AKNA: variants seen among roughly 807,000 people sequenced by gnomAD.
The protein encoded by AKNA is microtubule organization protein AKNA.
Under a neutral mutation model 138.8 loss-of-function variants are expected in AKNA, and 67 were observed. The ratio of observed to expected loss-of-function variants is 0.48; its 90% CI spans 0.40 to 0.59. The LOEUF is 0.59. Ranked by LOEUF, AKNA falls within the 20% of genes least tolerant of loss-of-function variation. The pLI is 0.00. For synonymous variants in AKNA, 737 were observed against 754.4 expected, an observed-to-expected ratio of 0.98 and a Z score of 0.38; for missense variants, 1,813 against 1,880.4, an observed-to-expected ratio of 0.96 and a Z score of 0.66.
At chr9:114,390,900 A>G (rs1434876689), upstream of AKNA, among the ~76,000 whole-genome samples, 1 of 152,224 alleles carries the variant, frequency 6.6e-6, no homozygotes. Flanking sequence ...ATTTGGAACT[A>G]TATTTCATAT....
In AKNA at chr9:114,371,468, C is replaced by T. The variant is rs560679363; in HGVS notation, c.1416+2625G>A. 2.4e-4 allele frequency among the ~76,000 whole-genome samples: 37 copies of T among 152,354 alleles called. 2 individuals are homozygous for T. The highest frequency in any genetic ancestry group is 7.5e-4 in the African/African-American group (31 of 41,576). ...CACCTCATCCCTATGCCTGTCTCCA[C>T]ACCCAGTGCCAGGGCCTGAGTGCCA... is the stretch of plus-strand genomic sequence containing the variant. On this transcript the variant is annotated intron_variant, in intron 4 of 21. Transcript: ENST00000374088.
chr9:114,350,889 G>A lies in AKNA; in HGVS notation c.3191C>T (p.Pro1064Leu). The A allele has an allele frequency of 1.3e-6, 2 of 1,591,142 alleles. No homozygotes were observed. Among genetic ancestry groups the A allele is most frequent in the Non-Finnish European group, 1.7e-6 (2 of 1,168,758 alleles). Residue 1064 changes from proline (P) to leucine (L), a missense_variant, in exon 15 of 22, where the codon CCC becomes CTC. Pro to Leu is a moderately conservative substitution (Grantham distance 98). Transcript: ENST00000374088. Reference protein sequence around the residue: ...PLPCGPTETIPSFLLTRAGRD... With the variant: ...PLPCGPTETILSFLLTRAGRD... ...CCCTGCCCTGGTGAGCAGGAAGCTG[G>A]GGATGGTCTCTGTTGGTCCACAGGG...
At chr9:114,381,819 C>T (rs535266898) in intron 1 of AKNA, among the ~76,000 whole-genome samples, 268 of 152,152 alleles carry the variant, frequency 1.8e-3, no homozygotes, top group African/African-American at 6.0e-3. Flanking sequence ...CGCCACCACA[C>T]CCGGCTAATT....
At chr9:114,356,689 GCT>G (rs1161722679) in intron 13 of AKNA, among the ~76,000 whole-genome samples, 172 bp downstream of exon 13, 1 of 152,236 alleles carries the variant, frequency 6.6e-6, no homozygotes, top group Non-Finnish European at 1.5e-5. Context: ...CCTCTCTGAA[GCT>G]CTGTTTCCTC....
At position 114,377,439 on chromosome 9, in the gene AKNA, T is replaced by C. The variant is rs750922289; in HGVS notation, c.368A>G (p.Glu123Gly). Reference protein sequence around the residue: ...QQGRQLDMTEEEPDGTLGSLE... With the variant: ...QQGRQLDMTEGEPDGTLGSLE... ...ACTTCCGAGGGTCCCATCTGGCTCC[T>C]CTTCAGTCATGTCCAGCTGACGGCC... is the stretch of plus-strand genomic sequence containing the variant. Residue 123 changes from glutamate to glycine, a missense_variant, in exon 3 of 22, where the codon GAG (glutamate) becomes GGG (glycine). Physicochemically the swap from Glu to Gly is moderately conservative, Grantham distance 98. Coordinates refer to ENST00000374088, the MANE Select transcript of AKNA (RefSeq NM_001317950.2). 3 of 1,613,640 alleles carry C rather than the reference T, an allele frequency of 1.9e-6. No homozygotes were observed.
chr9:114,380,993 A>G, intron 2 of AKNA, 67 bp downstream of exon 2: 1 of 1,397,528 alleles, frequency 7.2e-7, no homozygotes, highest in Non-Finnish European at 9.2e-7. Context: ...AAAAAAAAAA[A>G]AAAAAAAAGA....
chr9:114,330,744 C>T (rs116608376), downstream of AKNA: 7,415 of 1,605,146 alleles, frequency 4.6e-3, 392 homozygotes, highest in African/African-American at 0.086. Context: ...TTGGCCACTT[C>T]TCCTCGATAA....
chr9:114,386,336 G>A (rs535753854), intron 1 of AKNA, among the ~76,000 whole-genome samples: 1 of 152,268 alleles, frequency 6.6e-6, no homozygotes, highest in African/African-American at 2.4e-5. Context: ...GAGAAACAAT[G>A]AGGATTTGGG....
In AKNA at chr9:114,342,037, C is replaced by T. The variant is rs768039372; in HGVS notation, c.3846G>A (p.Glu1282=). ...PLCGQVGSPP[E]ADGPGSATSG... ...AGGTGGCTGAGCCTGGACCATCTGC[C>T]TCTGGGGGAGACCCAACTTGACCAC... The change falls in exon 20 of 22, where the codon GAG becomes GAA. Residue 1282 remains glutamate, a synonymous_variant. Coordinates refer to ENST00000374088, the MANE Select transcript of AKNA (RefSeq NM_001317950.2). 6.2e-7 allele frequency: 1 copy of T among 1,614,070 alleles called. No individual in the cohort carries two copies. The highest frequency in any genetic ancestry group is 8.5e-7 in the Non-Finnish European group (1 of 1,179,956).
chr9:114,393,378 G>A (rs934925125), intron 1 of AKNA, among the ~76,000 whole-genome samples: 1 of 142,856 alleles, frequency 7.0e-6, no homozygotes, highest in Non-Finnish European at 1.6e-5. Flanking sequence ...ACCACGCCCA[G>A]CTAATTTTTT....
chr9:114,355,794 A>G (rs1831457885), intron 14 of AKNA, 131 bp downstream of exon 14: 1 of 998,556 alleles, frequency 1.0e-6, no homozygotes, highest in African/African-American at 1.6e-5. Flanking sequence ...CCTTTTGTCC[A>G]CGTTATCTGT....
intron 4 of AKNA, among the ~76,000 whole-genome samples, chr9:114,372,015 G>A (rs779176712): frequency 1.1e-4 from 17 of 152,156 alleles, no homozygotes; most frequent in Admixed American, 3.9e-4. Context: ...TCCCTGTTCC[G>A]GGGCTCTGTG....
upstream of AKNA, chr9:114,394,530 G>C (rs1325640880): frequency 6.6e-6 from 1 of 152,108 alleles, no homozygotes; most frequent in Non-Finnish European, 1.5e-5. Context: ...ACAATATGTT[G>C]TTTTCTGCAA....
rs535418867 is a variant in AKNA, at chr9:114,355,968, C to T, written c.3015G>A (p.Arg1005=). Residue 1005 remains arginine (R), a synonymous_variant, in exon 14 of 22, where the codon AGG becomes AGA. Transcript: ENST00000374088. ...LSSPSGPLRQ[R]APNFSLERTL... ...TCCGCTCCAGGCTGAAGTTGGGTGC[C>T]CTCTGCCGGAGAGGCCCACTTGGGC... is the stretch of plus-strand genomic sequence containing the variant. 33 of 1,614,200 alleles carry T rather than the reference C, an allele frequency of 2.0e-5. No individual in the cohort carries two copies. The highest frequency in any genetic ancestry group is 2.7e-5 in the African/African-American group (2 of 75,040).
chr9:114,386,682 G>A (rs1834055551), intron 1 of AKNA, among the ~76,000 whole-genome samples: 1 of 152,146 alleles, frequency 6.6e-6, no homozygotes, highest in Non-Finnish European at 1.5e-5. Context: ...AGCCGCCACT[G>A]CCCCTGCTCT....
At chr9:114,381,566 T>A in intron 1 of AKNA, 120 bp from the exon 2 acceptor site, 1 of 1,040,960 alleles carries the variant, frequency 9.6e-7, no homozygotes, top group South Asian at 4.2e-5. Flanking sequence ...GGTTGTGTCC[T>A]CCCGAAGCTG....
chr9:114,354,997 C>T (rs1169014997), intron 14 of AKNA, among the ~76,000 whole-genome samples: 1 of 150,412 alleles, frequency 6.6e-6, no homozygotes, highest in African/African-American at 2.4e-5. Flanking sequence ...GCCTCAGCCT[C>T]CTGAGTAGCT....
Position 114,358,106 on chromosome 9 carries a change from C to G in AKNA, c.2554G>C (p.Asp852His). Residue 852 changes from aspartate (D) to histidine (H), a missense_variant, in exon 12 of 22, where the codon GAC (aspartate) becomes CAC (histidine). Coordinates refer to ENST00000374088, the MANE Select transcript of AKNA (RefSeq NM_001317950.2). ...PPGFQASLAR[D>H]GHMSGLGKAE... ...TTGCCCAGGCCTGACATGTGCCCGT[C>G]TCTAGCCAGGGATGCCTGGAAACCT... 1.9e-6 allele frequency: 3 copies of G among 1,614,208 alleles called. No homozygotes were observed. Among genetic ancestry groups the G allele is most frequent in the Non-Finnish European group, 2.5e-6 (3 of 1,180,018 alleles).
At chr9:114,350,734 G>T (rs1042616885) in intron 15 of AKNA, 125 bp downstream of exon 15, 3 of 1,134,056 alleles carry the variant, frequency 2.6e-6, no homozygotes, top group Non-Finnish European at 2.4e-6. Flanking sequence ...ACCTGGGTCC[G>T]TCTGCTCCTA....
Sources: gnomAD v4.1 joint callset for allele counts (sites outside exome capture counted in the v4.1 genomes callset) on GRCh38, gnomAD v4.1.1 for gene constraint, MANE v1.5 for transcripts, NCBI Gene and HGNC (gene_info 2026-07-23, HGNC 2026-07-21) for gene names.